The following SHROOM2 variants were observed in gnomAD, a reference collection of about 807,000 sequenced individuals.
SHROOM2 encodes protein Shroom2.
A neutral mutation model predicts 75.9 loss-of-function variants in SHROOM2; 33 were observed. That is an observed-to-expected ratio of 0.43 (90% confidence interval 0.33 to 0.58). The LOEUF (loss-of-function observed/expected upper bound fraction) is 0.58. Ranked by LOEUF, SHROOM2 falls within the 20% of genes least tolerant of loss-of-function variation. The pLI, the probability that SHROOM2 is intolerant of heterozygous loss-of-function variation, is 0.04. For synonymous variants in SHROOM2, 655 were observed against 663.6 expected (o/e 0.99, Z 0.20); for missense variants, 1,434 against 1,461.2 (o/e 0.98, Z 0.30).
At chrX:9,921,095 C>T in intron 5 of SHROOM2, among the ~76,000 whole-genome samples, 1 of 111,189 alleles carries the variant, frequency 9.0e-6, no homozygotes, top group Non-Finnish European at 1.9e-5. Context: ...CAAGAGGGCA[C>T]CCATATGTCT....
intron 1 of SHROOM2, among the ~76,000 whole-genome samples, chrX:9,799,144 G>A (rs976333163): frequency 1.2e-4 from 12 of 103,617 alleles, no homozygotes; most frequent in Non-Finnish European, 1.5e-4. Context: ...TTGCCTTTAC[G>A]GAGAGTTTAA....
chrX:9,905,858 A>T (rs538287067), intron 5 of SHROOM2, among the ~76,000 whole-genome samples: 1 of 111,613 alleles, frequency 9.0e-6, no homozygotes, highest in South Asian at 3.8e-4. Flanking sequence ...TGGATGAGGG[A>T]CAGGAAGAAC....
At chrX:9,838,056 G>A (rs76505067) in intron 1 of SHROOM2, among the ~76,000 whole-genome samples, 2 of 91,257 alleles carry the variant, frequency 2.2e-5, no homozygotes, top group Admixed American at 1.3e-4. Flanking sequence ...GTGTGTGTGT[G>A]GTTTTTTTTT....
rs762972535 is a variant in SHROOM2 at position 9,894,937 on chromosome X, G to A, written c.1029G>A (p.Ala343=). 82 of 1,209,242 alleles carry A rather than the reference G, an allele frequency of 6.8e-5. No individual in the cohort carries two copies. The highest frequency in any genetic ancestry group is 8.0e-5 in the Non-Finnish European group (72 of 894,908). Residue 343 remains alanine (A), a synonymous_variant, in exon 4 of 10, where the codon GCG becomes GCA. Transcript: ENST00000380913. ...EKAQGPVFSE[A]AAAQHFTALA... is the part of the protein sequence containing the mutation. ...CCCAGGGCCCTGTGTTCTCAGAGGC[G>A]GCTGCGGCACAGCACTTTACGGCCC...
chrX:9,860,968 G>A (rs999211240), intron 1 of SHROOM2, among the ~76,000 whole-genome samples: 37 of 111,804 alleles, frequency 3.3e-4, no homozygotes, highest in African/African-American at 1.2e-3. Context: ...CTACCTATGT[G>A]ACATATCTGG....
chrX:9,896,589 G>A lies in SHROOM2; in HGVS notation c.2681G>A (p.Arg894His), dbSNP rs201437719. The A allele has an allele frequency of 7.4e-6, 9 of 1,209,015 alleles. No individual in the cohort carries two copies. The African/African-American group carries it at 1.0e-4, about 14-fold the overall frequency. The change falls in exon 4 of 10, where the codon CGC becomes CAC. Residue 894 changes from arginine (R) to histidine (H), a missense_variant. This residue lies in a region of SHROOM2 where 1,340 missense variants were observed against 1,338.3 expected (regional missense o/e 1.00). Transcript: ENST00000380913. ...RKPLEARSSG[R>H]CHSADDILDV... is the part of the protein sequence containing the mutation. ...CCTCTGGAGGCCAGGAGCTCTGGGCGCTGCCACTCAGCGGATGACATCCTG... is the reference window on the plus strand; with the variant it reads ...CCTCTGGAGGCCAGGAGCTCTGGGCACTGCCACTCAGCGGATGACATCCTG...
intron 1 of SHROOM2, among the ~76,000 whole-genome samples, chrX:9,821,694 T>C (rs902564915): frequency 1.8e-5 from 2 of 112,220 alleles, no homozygotes; most frequent in Admixed American, 9.5e-5. Flanking sequence ...TACCGTATGA[T>C]CCATTGGTAT....
chrX:9,822,645 G>A (rs867744017), intron 1 of SHROOM2, among the ~76,000 whole-genome samples: 1 of 112,780 alleles, frequency 8.9e-6, no homozygotes, highest in Non-Finnish European at 1.9e-5. Context: ...GGCTGAGCAG[G>A]GATCAGTCCT....
chrX:9,946,427 A>T (rs1169199970), intron 9 of SHROOM2, among the ~76,000 whole-genome samples: 1 of 112,637 alleles, frequency 8.9e-6, no homozygotes, highest in Non-Finnish European at 1.9e-5. Flanking sequence ...CAGCAAGAGG[A>T]AACCCAGAGA....
At position 9,895,126 on chromosome X, in the gene SHROOM2, T is replaced by G; in HGVS notation, c.1218T>G (p.Ser406Arg). The G allele has an allele frequency of 8.3e-7, 1 of 1,211,636 alleles. No individual in the cohort carries two copies. The highest frequency in any genetic ancestry group is 3.0e-5 in the East Asian group (1 of 33,788). ...CGCCCTCCAAGGATGGAGCTTCCAG[T>G]AGGCTGCAGGCCTCTCTGTCCAGCT... The part of the protein sequence containing the change: ...SWPPSKDGAS[S>R]RLQASLSSSD... Residue 406 changes from serine (S) to arginine (R), a missense_variant, in exon 4 of 10, where the codon AGT (serine) becomes AGG (arginine). Physicochemically the swap from Ser to Arg is moderately radical, Grantham distance 110 (BLOSUM62 -1). This residue lies in a region of SHROOM2 where 1,340 missense variants were observed against 1,338.3 expected (regional missense o/e 1.00). Coordinates refer to ENST00000380913, the MANE Select transcript of SHROOM2 (RefSeq NM_001649.4).
At chrX:9,892,854 G>A (rs747564238) in intron 3 of SHROOM2, among the ~76,000 whole-genome samples, 1 of 112,301 alleles carries the variant, frequency 8.9e-6, no homozygotes, top group Admixed American at 9.4e-5. Context: ...GTTGAAGGGT[G>A]AACATCTCAG....
At position 9,861,920 on chromosome X, in the gene SHROOM2, C is replaced by G. The variant is rs751359429; in HGVS notation, c.166-11732C>G. 4.5e-5 allele frequency among the ~76,000 whole-genome samples: 5 copies of G among 111,645 alleles called. No homozygotes were observed. The Admixed American group carries it at 4.8e-4, about 11-fold the overall frequency. ...TGTGCATGTCTGTCACTGCACTTGC[C>G]TCATGGGATTTGTATCAGCCAGGAT... On this transcript the variant is annotated intron_variant, in intron 1 of 9. Transcript: ENST00000380913.
intron 1 of SHROOM2, among the ~76,000 whole-genome samples, chrX:9,796,788 C>G (rs1246260078): frequency 1.8e-5 from 2 of 110,662 alleles, no homozygotes; most frequent in East Asian, 5.7e-4. Flanking sequence ...GGACTACAGG[C>G]ACATGCCACC....
chrX:9,787,056 G>A (rs962270946), intron 1 of SHROOM2, among the ~76,000 whole-genome samples: 1 of 111,747 alleles, frequency 8.9e-6, no homozygotes, highest in South Asian at 3.8e-4. Flanking sequence ...ACGTGTCCCC[G>A]AGCCGTCCCC....
At chrX:9,912,216 C>A (rs1601989319) in intron 5 of SHROOM2, among the ~76,000 whole-genome samples, 1 of 69,069 alleles carries the variant, frequency 1.4e-5, no homozygotes, top group South Asian at 6.3e-4. Flanking sequence ...CACACACACA[C>A]ACACACACAC....
At chrX:9,923,965 A>G (rs1243976024) in intron 5 of SHROOM2, among the ~76,000 whole-genome samples, 1 of 112,624 alleles carries the variant, frequency 8.9e-6, no homozygotes, top group African/African-American at 3.2e-5. Context: ...AAGCACAAAT[A>G]AAACCCAAAG....
chrX:9,941,638 A>G (rs776978933), intron 8 of SHROOM2, among the ~76,000 whole-genome samples: 144 of 111,764 alleles, frequency 1.3e-3, no homozygotes, highest in African/African-American at 4.5e-3. Context: ...CCAGTATAAA[A>G]TCTACATTTC....
intron 1 of SHROOM2, among the ~76,000 whole-genome samples, chrX:9,852,349 A>G (rs1478756823): frequency 2.7e-5 from 3 of 112,762 alleles, no homozygotes; most frequent in Non-Finnish European, 5.6e-5. Flanking sequence ...CAAAGATATT[A>G]CCCTCTGATT....
intron 5 of SHROOM2, among the ~76,000 whole-genome samples, chrX:9,912,107 A>AACACAC (rs61080253): frequency 0.029 from 775 of 26,411 alleles, 23 homozygotes; most frequent in South Asian, 0.06. Flanking sequence ...CCTTTCTCCA[A>AACACAC]ACACACACAC....
Sources: allele counts gnomAD v4.1 joint callset (sites outside exome capture counted in the v4.1 genomes callset), GRCh38; gene constraint gnomAD v4.1.1; regional missense constraint gnomAD v4.1.1; transcripts MANE v1.5; gene names NCBI Gene and HGNC (gene_info 2026-07-23, HGNC 2026-07-21).